The following TTC23L variants were observed in gnomAD, a reference collection of about 807,000 sequenced individuals.
TTC23L encodes tetratricopeptide repeat domain 23 like.
A neutral mutation model predicts 48.1 loss-of-function variants in TTC23L; 42 were observed. That is an observed-to-expected ratio of 0.87 (90% confidence interval 0.68 to 1.13). The LOEUF (loss-of-function observed/expected upper bound fraction) is 1.13. Ranked by LOEUF, TTC23L falls within the 50% of genes most tolerant of loss-of-function variation. The pLI, the probability that TTC23L is intolerant of heterozygous loss-of-function variation, is 0.00. For synonymous variants in TTC23L, 159 were observed against 157.2 expected, an observed-to-expected ratio of 1.01 and a Z score of -0.09; for missense variants, 391 against 421.0, an observed-to-expected ratio of 0.93 and a Z score of 0.62.
chr5:34,848,075 C>T (rs336490), intron 3 of TTC23L, among the ~76,000 whole-genome samples: 119,234 of 152,034 alleles, frequency 0.78, 47,292 homozygotes, highest in African/African-American at 0.91. Flanking sequence ...GGTTTCCAAA[C>T]CTCAGAAAAG....
intron 4 of TTC23L, among the ~76,000 whole-genome samples, chr5:34,860,295 A>G (rs905130794): frequency 1.3e-5 from 2 of 152,108 alleles, no homozygotes; most frequent in Admixed American, 1.3e-4. Flanking sequence ...AAGCTATTTA[A>G]TCCAAGGGGA....
the TTC23L span, chr5:34,905,246 A>G: frequency 2.6e-5 from 4 of 152,208 alleles, no homozygotes; most frequent in African/African-American, 4.8e-5. Context: ...AAGAAAAAAT[A>G]CTATACACTC....
chr5:34,857,985 G>A (rs1000831612), intron 4 of TTC23L, among the ~76,000 whole-genome samples: 1 of 130,280 alleles, frequency 7.7e-6, no homozygotes, highest in African/African-American at 2.5e-5. Flanking sequence ...GCTCTGAGCA[G>A]ATTTTCTCTG....
the TTC23L span, chr5:34,918,562 G>T: frequency 1.3e-6 from 1 of 741,864 alleles, no homozygotes; most frequent in South Asian, 2.8e-5. Context: ...TTCTTCATTT[G>T]TTCAGTGTTC....
intron 9 of TTC23L, among the ~76,000 whole-genome samples, chr5:34,894,612 G>A (rs1236105763): frequency 6.6e-6 from 1 of 152,132 alleles, no homozygotes; most frequent in South Asian, 2.1e-4. Context: ...TAAGAGTATG[G>A]TATATGTGTC....
At chr5:34,915,324 C>T in the TTC23L span, 7 of 250,968 alleles carry the variant, frequency 2.8e-5, no homozygotes, top group Non-Finnish European at 3.9e-5. Flanking sequence ...TCCAGATAAT[C>T]CTCCAAGAGT....
rs973935470 is a variant in TTC23L at position 34,863,561 on chromosome 5, C to T, written c.536+507C>T. Among the ~76,000 whole-genome samples the T allele has an allele frequency of 2.0e-5, 3 of 152,294 alleles. No homozygotes were observed. The highest frequency in any genetic ancestry group is 6.5e-5 in the Admixed American group (1 of 15,298). On this transcript the variant is annotated intron_variant, in intron 5 of 10. Transcript: ENST00000505624. The surrounding 1 kb of genome is among the most constrained non-coding windows in gnomAD (Gnocchi z 4.1). ...TTCATTGAAATTTTTAAAAGCCCTC[C>T]AGAGATTGTAATTTGCAGCCCAAAA...
chr5:34,904,144 T>A (rs565009116), downstream of TTC23L, among the ~76,000 whole-genome samples: 461 of 149,510 alleles, frequency 3.1e-3, 6 homozygotes, highest in African/African-American at 0.011. Flanking sequence ...AAAAAAAAAA[T>A]TTTTTTTAGA....
chr5:34,889,621 CTG>C (rs1561156925), intron 9 of TTC23L, among the ~76,000 whole-genome samples: 2 of 152,116 alleles, frequency 1.3e-5, no homozygotes, highest in Admixed American at 6.6e-5. Flanking sequence ...TCAATAATTC[CTG>C]TGTTACAAGG....
intron 8 of TTC23L, among the ~76,000 whole-genome samples, chr5:34,874,939 C>A (rs1233134654): frequency 6.6e-6 from 1 of 152,002 alleles, no homozygotes; most frequent in African/African-American, 2.4e-5. Flanking sequence ...AAAACAACGC[C>A]CAACCATATG....
the TTC23L span, chr5:34,922,705 C>G: frequency 2.1e-4 from 337 of 1,613,506 alleles, 1 homozygote; most frequent in East Asian, 3.1e-4. Context: ...TTCATACCCT[C>G]GCTGAACTGA....
chr5:34,881,396 C>CTTGG (rs1762213922), intron 9 of TTC23L, among the ~76,000 whole-genome samples: 1 of 152,232 alleles, frequency 6.6e-6, no homozygotes, highest in African/African-American at 2.4e-5. Context: ...AACCTTTTGA[C>CTTGG]TTGAACTTTA....
At chr5:34,895,477 T>C (rs1167812349) in intron 9 of TTC23L, among the ~76,000 whole-genome samples, 1 of 152,214 alleles carries the variant, frequency 6.6e-6, no homozygotes, top group Non-Finnish European at 1.5e-5. Flanking sequence ...ACTTTATCTT[T>C]CTATCTGTCA....
intron 7 of TTC23L, chr5:34,868,385 A>G (rs934623101): frequency 1.3e-5 from 2 of 153,036 alleles, no homozygotes; most frequent in African/African-American, 4.8e-5. Context: ...TCTCTTTTCT[A>G]AGTGTTACTC....
intron 9 of TTC23L, among the ~76,000 whole-genome samples, chr5:34,887,127 C>T (rs1395363982): frequency 2.0e-5 from 3 of 152,082 alleles, no homozygotes; most frequent in South Asian, 2.1e-4. Flanking sequence ...ACATCAGGTT[C>T]GCAGGGAGTT....
exon 4 of TTC23L, chr5:34,850,269 G>A (rs1038044266): frequency 2.5e-6 from 4 of 1,613,916 alleles, no homozygotes; most frequent in South Asian, 1.1e-5. Flanking sequence ...ATGTGCACGA[G>A]CTCTGGCCAA....
At chr5:34,923,865 T>G in the TTC23L span, among the ~76,000 whole-genome samples, 1 of 152,238 alleles carries the variant, frequency 6.6e-6, no homozygotes, top group African/African-American at 2.4e-5. Flanking sequence ...CTACTTCTAT[T>G]CATGACTGTT....
the TTC23L span, chr5:34,913,462 T>G: frequency 1.3e-6 from 2 of 1,493,370 alleles, no homozygotes; most frequent in Non-Finnish European, 1.8e-6. Context: ...ATACTGATCA[T>G]AGTTTACCTG....
At chr5:34,854,966 C>G (rs1375304039) in intron 4 of TTC23L, among the ~76,000 whole-genome samples, 1 of 151,968 alleles carries the variant, frequency 6.6e-6, no homozygotes, top group Non-Finnish European at 1.5e-5. Context: ...ATGATAGATT[C>G]AAGGGGGAGG....
Sources: allele counts gnomAD v4.1 joint callset (sites outside exome capture counted in the v4.1 genomes callset), GRCh38; gene constraint gnomAD v4.1.1; non-coding constraint Gnocchi (gnomAD v3.1); transcripts MANE v1.5; gene names NCBI Gene and HGNC (gene_info 2026-07-23, HGNC 2026-07-21).